The following DLG4 variants were observed in gnomAD, a reference collection of about 807,000 sequenced individuals.
The protein encoded by DLG4 is disks large homolog 4.
Under a neutral mutation model 93.8 loss-of-function variants are expected in DLG4, and 7 were observed. That is an observed-to-expected ratio of 0.07 (90% CI 0.04 to 0.14). The LOEUF is 0.14. Among genes scored for constraint, DLG4 ranks in the 10% least tolerant of loss-of-function variants. The pLI is 1.00. For synonymous variants in DLG4, 341 were observed against 387.6 expected (o/e 0.88, Z 1.41); for missense variants, 545 against 992.9 (o/e 0.55, Z 6.06).
upstream of DLG4, chr17:7,218,229 C>T: frequency 6.2e-7 from 1 of 1,606,682 alleles, no homozygotes; most frequent in South Asian, 1.1e-5. Context: ...GCGCTCGCCC[C>T]CACCTCCTTA....
chr17:7,218,565 T>C (rs565495109), upstream of DLG4: 396 of 1,564,080 alleles, frequency 2.5e-4, no homozygotes, highest in South Asian at 4.1e-3. Context: ...AAGAGGTCGC[T>C]ATGCAGCACT....
rs2070591604 is a variant in DLG4, at chr17:7,208,728, C to A, written c.31-489G>T. Among the ~76,000 whole-genome samples, 1 of 152,042 alleles carries A rather than the reference C, an allele frequency of 6.6e-6. No individual in the cohort carries two copies. Among genetic ancestry groups the A allele is most frequent in the South Asian group, 2.1e-4 (1 of 4,820 alleles). On this transcript the variant is annotated intron_variant, in intron 1 of 19. Coordinates refer to ENST00000399506, the MANE Select transcript of DLG4 (RefSeq NM_001321075.3). This position sits in a 1 kb window ranked among gnomAD's most constrained non-coding sequence, Gnocchi z 5.4. ...TACCCCTCTGGCTGCTCCTACTCTG[C>A]ATGGCATCCTCCCCGCGCCCCACCT... is the stretch of plus-strand genomic sequence containing the variant.
chr17:7,204,309 C>A, intron 2 of DLG4, 57 bp from the exon 3 acceptor site: 1 of 1,498,740 alleles, frequency 6.7e-7, no homozygotes, highest in Non-Finnish European at 9.0e-7. Context: ...AGAGGGAGCC[C>A]ATAACGGAGG....
Position 7,196,918 on chromosome 17 carries a change from G to A in DLG4, c.922C>T (p.Pro308Ser). Residue 308 changes from proline to serine, a missense_variant, in exon 9 of 20, where the codon CCC (proline) becomes TCC (serine). Transcript: ENST00000399506. This position sits in a 1 kb window ranked among gnomAD's most constrained non-coding sequence, Gnocchi z 8.3. ...AKDLLGEEDI[P>S]REPRRIVIHR... ...ATCACAATTCGCCTCGGTTCTCGGG[G>A]AATGTCTTCCTCCCCGAGCAGGTCC... 6.2e-7 allele frequency: 1 copy of A among 1,613,878 alleles called. No individual in the cohort carries two copies. Among genetic ancestry groups the A allele is most frequent in the Non-Finnish European group, 8.5e-7 (1 of 1,179,862 alleles).
intron 2 of DLG4, 174 bp downstream of exon 2, chr17:7,208,000 A>C: frequency 8.7e-7 from 1 of 1,152,850 alleles, no homozygotes; most frequent in Non-Finnish European, 1.1e-6. Context: ...CTCTCACCCT[A>C]CCGGCCCTTA....
chr17:7,216,984 T>C, intron 1 of DLG4, 134 bp downstream of exon 1: 2 of 886,526 alleles, frequency 2.3e-6, no homozygotes, highest in East Asian at 3.4e-5. Context: ...ACCCCAAAAC[T>C]AAATTAAGAC....
chr17:7,218,796 C>T (rs2071055164), upstream of DLG4: 1 of 1,613,498 alleles, frequency 6.2e-7, no homozygotes, highest in East Asian at 2.2e-5. Flanking sequence ...ACTTCGCTCC[C>T]AGACCTCCCC....
At chr17:7,204,163 T>C in intron 3 of DLG4, 36 bp downstream of exon 3, 1 of 1,604,730 alleles carries the variant, frequency 6.2e-7, no homozygotes, top group Non-Finnish European at 8.5e-7. Flanking sequence ...TCCTTCCTTC[T>C]GCAATGGCCC....
intron 2 of DLG4, chr17:7,204,549 A>G: frequency 2.6e-6 from 1 of 383,054 alleles, no homozygotes; most frequent in East Asian, 4.4e-5. Flanking sequence ...AGACAGCCAG[A>G]CGGAGAGGGG....
intron 2 of DLG4, chr17:7,205,074 G>A: frequency 1.0e-6 from 1 of 985,574 alleles, no homozygotes; most frequent in Non-Finnish European, 1.2e-6. Flanking sequence ...ACGTTAGCCA[G>A]GCCGAGAGGA....
upstream of DLG4, chr17:7,217,641 GGGGAGGGA>G: frequency 7.4e-7 from 1 of 1,348,906 alleles, no homozygotes; most frequent in Non-Finnish European, 1.0e-6. Flanking sequence ...GAGGAAGCAG[GGGGAGGGA>G]GGGAGGGAGC....
chr17:7,195,992 C>T lies in DLG4; in HGVS notation c.1301+228G>A, dbSNP rs1421516745. ...GGGGAAGTGCTGGGATGACCAGGGG[C>T]TAGAAGGCAATTGGGATACTTGGGG... On this transcript the variant is annotated intron_variant, in intron 11 of 19. Transcript: ENST00000399506. This position sits in a 1 kb window ranked among gnomAD's most constrained non-coding sequence, Gnocchi z 4.3. Among the ~76,000 whole-genome samples the T allele has an allele frequency of 6.6e-6, 1 of 152,184 alleles. No individual in the cohort carries two copies. The highest frequency in any genetic ancestry group is 1.5e-5 in the Non-Finnish European group (1 of 68,042).
In DLG4 at chr17:7,203,127, G is replaced by A; in HGVS notation, c.642+66C>T. 5.1e-6 allele frequency: 8 copies of A among 1,569,290 alleles called. No individual in the cohort carries two copies. Among genetic ancestry groups the A allele is most frequent in the Non-Finnish European group, 7.0e-6 (8 of 1,149,804 alleles). ...GCACTGGGGTGAAGTGATGAACTTG[G>A]GCCTGCCAGGGCTAGTAGGTGAGAC... On this transcript the variant is annotated intron_variant, in intron 7 of 19. Transcript: ENST00000399506. The surrounding 1 kb of genome is among the most constrained non-coding windows in gnomAD (Gnocchi z 7.2).
chr17:7,195,870 G>A lies in DLG4; in HGVS notation c.1301+350C>T, dbSNP rs867801128. On this transcript the variant is annotated intron_variant, in intron 11 of 19. Coordinates refer to ENST00000399506, the MANE Select transcript of DLG4 (RefSeq NM_001321075.3). This position sits in a 1 kb window ranked among gnomAD's most constrained non-coding sequence, Gnocchi z 4.3. Reference sequence around the variant, plus strand: ...CGTCTCCGGGACTGCCCACAGGGACGTGAAGGCTGGGGCAACACTCCAAAT... The same window carrying A: ...CGTCTCCGGGACTGCCCACAGGGACATGAAGGCTGGGGCAACACTCCAAAT... Among the ~76,000 whole-genome samples, 24 of 152,246 alleles carry A rather than the reference G, an allele frequency of 1.6e-4. No individual in the cohort carries two copies. The highest frequency in any genetic ancestry group is 2.4e-4 in the Non-Finnish European group (16 of 68,046).
rs1298433830 is a variant in DLG4 at position 7,217,596 on chromosome 17, G to C, written c.-449C>G. 1.1e-5 allele frequency: 15 copies of C among 1,402,084 alleles called. No homozygotes were observed. The highest frequency in any genetic ancestry group is 4.6e-5 in the African/African-American group (3 of 65,670). 86.9% of individuals were successfully genotyped at this position (1,402,084 alleles called of 1,614,324 possible). ...GGAAACGGCAGCGGCCGAGGGAGCCGTGGAGCCGAAGAGGGAAGGGGAGAG... is the reference window on the plus strand; with the variant it reads ...GGAAACGGCAGCGGCCGAGGGAGCCCTGGAGCCGAAGAGGGAAGGGGAGAG... On this transcript the variant is annotated 5_prime_UTR_variant, in exon 1 of 20. Transcript: ENST00000399506.
Position 7,194,102 on chromosome 17 carries a change from G to T in DLG4, c.1479-102C>A. On this transcript the variant is annotated intron_variant, in intron 12 of 19. Transcript: ENST00000399506. The surrounding 1 kb of genome is among the most constrained non-coding windows in gnomAD (Gnocchi z 4.4). ...AACCCCTTCTCCATACTCTGGGCCA[G>T]CTGACACCCCTTCTCCTGCAGCCCT... The T allele has an allele frequency of 6.8e-7, 1 of 1,461,000 alleles. No individual in the cohort carries two copies. Among genetic ancestry groups the T allele is most frequent in the Non-Finnish European group, 9.3e-7 (1 of 1,073,822 alleles). 90.5% of individuals were successfully genotyped at this position (1,461,000 alleles called of 1,614,324 possible).
chr17:7,191,368 G>A lies in DLG4; in HGVS notation c.1977-10C>T. On this transcript the variant is annotated splice_polypyrimidine_tract_variant and intron_variant, in intron 18 of 19. Transcript: ENST00000399506. The surrounding 1 kb of genome is among the most constrained non-coding windows in gnomAD (Gnocchi z 6.6). ...CCGCTTGTTAATCTCTCTGTGAAGA[G>A]GGAGGGAGAGCAGGCCTGAGACTGG... The A allele has an allele frequency of 6.2e-7, 1 of 1,613,314 alleles. No homozygotes were observed. Among genetic ancestry groups the A allele is most frequent in the South Asian group, 1.1e-5 (1 of 91,058 alleles).
At chr17:7,201,251 A>G (rs1262856018) in intron 8 of DLG4, among the ~76,000 whole-genome samples, 1 of 152,218 alleles carries the variant, frequency 6.6e-6, no homozygotes, top group East Asian at 1.9e-4. Flanking sequence ...TAATTTACAA[A>G]TAGAGATAAC....
intron 1 of DLG4, among the ~76,000 whole-genome samples, chr17:7,214,909 A>G (rs1015813167): frequency 2.0e-5 from 3 of 152,206 alleles, no homozygotes; most frequent in African/African-American, 7.2e-5. Context: ...TGTTCCTTAA[A>G]TTACTGCGGC....
Sources: gnomAD v4.1 joint callset for allele counts (sites outside exome capture counted in the v4.1 genomes callset) on GRCh38, gnomAD v4.1.1 for gene constraint, Gnocchi (gnomAD v3.1) non-coding constraint, MANE v1.5 for transcripts, NCBI Gene and HGNC (gene_info 2026-07-23, HGNC 2026-07-21) for gene names.